Variants in ADAMTS6 observed in about 807,000 individuals in gnomAD.
ADAMTS6 encodes A disintegrin and metalloproteinase with thrombospondin motifs 6.
A neutral mutation model predicts 144.3 loss-of-function variants in ADAMTS6; 23 were observed. The observed-to-expected ratio is 0.16, with a 90% CI of 0.11 to 0.23. The LOEUF (loss-of-function observed/expected upper bound fraction) is 0.23, where lower values mean the gene tolerates loss of function less well. ADAMTS6 is among the 10% of genes least tolerant of loss of function. The pLI, the probability that ADAMTS6 is intolerant of heterozygous loss-of-function variation, is 1.00. For synonymous variants in ADAMTS6, 444 were observed against 457.5 expected, an observed-to-expected ratio of 0.97 and a Z score of 0.38; for missense variants, 999 against 1,379.6, an observed-to-expected ratio of 0.72 and a Z score of 4.37.
At chr5:65,270,938 A>G (rs942767380) in intron 12 of ADAMTS6, among the ~76,000 whole-genome samples, 1 of 152,178 alleles carries the variant, frequency 6.6e-6, no homozygotes, top group Non-Finnish European at 1.5e-5. Context: ...AAATGTATAT[A>G]TATTAGAATT....
chr5:65,395,535 T>C (rs987925174), intron 7 of ADAMTS6, among the ~76,000 whole-genome samples: 5 of 152,220 alleles, frequency 3.3e-5, no homozygotes, highest in Non-Finnish European at 7.3e-5. Context: ...GGTTTCTTGC[T>C]GTTGCTGTTG....
intron 7 of ADAMTS6, among the ~76,000 whole-genome samples, chr5:65,408,036 A>C (rs1754714014): frequency 6.6e-6 from 1 of 152,170 alleles, no homozygotes; most frequent in African/African-American, 2.4e-5. Flanking sequence ...CCAGCCACTG[A>C]AAAATCATGC....
chr5:65,327,858 TAC>T (rs1191989044), intron 9 of ADAMTS6, among the ~76,000 whole-genome samples: 2 of 152,224 alleles, frequency 1.3e-5, no homozygotes, highest in South Asian at 2.1e-4. Flanking sequence ...TGTTTTCACA[TAC>T]ACAGTGTTCA....
At chr5:65,157,415 A>C (rs1167104758) in intron 24 of ADAMTS6, among the ~76,000 whole-genome samples, 1 of 152,234 alleles carries the variant, frequency 6.6e-6, no homozygotes, top group African/African-American at 2.4e-5. Flanking sequence ...TACAAGACCA[A>C]GTCCTCAAAT....
chr5:65,453,653 A>G (rs1036377062), intron 4 of ADAMTS6, among the ~76,000 whole-genome samples: 1 of 152,198 alleles, frequency 6.6e-6, no homozygotes, highest in African/African-American at 2.4e-5. Context: ...GTATAGAAGC[A>G]GCCTTTTAGC....
intron 18 of ADAMTS6, among the ~76,000 whole-genome samples, chr5:65,216,853 C>T (rs973639076): frequency 6.6e-6 from 1 of 151,328 alleles, no homozygotes; most frequent in East Asian, 1.9e-4. Flanking sequence ...TTTAGTACTA[C>T]CGTACAAAAA....
chr5:65,473,539 G>T, intron 2 of ADAMTS6, 38 bp downstream of exon 2: 1 of 1,511,424 alleles, frequency 6.6e-7, no homozygotes, highest in Non-Finnish European at 9.1e-7. Flanking sequence ...CCAATTAATA[G>T]CAATATTTTT....
rs568624975 is a variant in ADAMTS6 at position 65,196,582 on chromosome 5, T to C, written c.2705+440A>G. 5.9e-4 allele frequency among the ~76,000 whole-genome samples: 80 copies of C among 135,694 alleles called. 1 individual carries two copies. The highest frequency in any genetic ancestry group is 5.7e-4 in the Non-Finnish European group (36 of 63,620). The allele number at this position is 135,694 out of a possible 152,430, so 89.0% of individuals were successfully genotyped here. On this transcript the variant is annotated intron_variant, in intron 21 of 24. Coordinates refer to ENST00000381055, the MANE Select transcript of ADAMTS6 (RefSeq NM_197941.4). ...TCTTTAGATCTTTAGGACAAATATG[T>C]AGAAAAGACAGGAGTGTAAATAAAT...
intron 9 of ADAMTS6, among the ~76,000 whole-genome samples, chr5:65,318,742 G>T (rs1745255991): frequency 6.6e-6 from 1 of 152,116 alleles, no homozygotes; most frequent in Admixed American, 6.6e-5. Flanking sequence ...GAAGGTAGTT[G>T]GGGAGGGTGG....
At chr5:65,352,973 G>A (rs900720940) in intron 7 of ADAMTS6, among the ~76,000 whole-genome samples, 4 of 152,038 alleles carry the variant, frequency 2.6e-5, no homozygotes, top group African/African-American at 9.6e-5. Flanking sequence ...TCACTATTGA[G>A]CACAATGGCC....
chr5:65,384,204 C>A (rs1752297879), intron 7 of ADAMTS6, among the ~76,000 whole-genome samples: 1 of 152,190 alleles, frequency 6.6e-6, no homozygotes, highest in Non-Finnish European at 1.5e-5. Context: ...TTACTGTTCT[C>A]CCCCAAACAT....
In ADAMTS6 at chr5:65,214,680, C is replaced by T; in HGVS notation, c.2575+114G>A. ...TCTTTTGCTAAATTACAGCTTGAAG[C>T]AAACCTGCAAGAAATGTTTCCAATT... On this transcript the variant is annotated intron_variant, in intron 20 of 24. Coordinates refer to ENST00000381055, the MANE Select transcript of ADAMTS6 (RefSeq NM_197941.4). This position sits in a 1 kb window ranked among gnomAD's most constrained non-coding sequence, Gnocchi z 4.6. 1 of 1,501,194 alleles carries T rather than the reference C, an allele frequency of 6.7e-7. No homozygotes were observed. 93.0% of individuals were successfully genotyped at this position (1,501,194 alleles called of 1,614,324 possible). A position where few individuals can be genotyped will look rare whatever the true frequency, so the allele number is the denominator to read the frequency against.
At chr5:65,265,482 A>G (rs1000951484) in intron 12 of ADAMTS6, among the ~76,000 whole-genome samples, 1 of 152,028 alleles carries the variant, frequency 6.6e-6, no homozygotes, top group Non-Finnish European at 1.5e-5. Flanking sequence ...TGGTTTTCTT[A>G]CTACAAGTAA....
At chr5:65,258,935 A>C (rs973251654) in intron 14 of ADAMTS6, among the ~76,000 whole-genome samples, 10 of 152,186 alleles carry the variant, frequency 6.6e-5, no homozygotes, top group African/African-American at 2.4e-4. Context: ...TTTTGGGTCA[A>C]ATGGCAAATA....
rs577976798 is a variant in ADAMTS6 at position 65,444,589 on chromosome 5, T to A, written c.1073+6886A>T. ...CTGCTGAGAGAAAGTAATGAAAACC[T>A]AAATAAATGGAGAGATAGACTTTGT... On this transcript the variant is annotated intron_variant, in intron 7 of 24. Transcript: ENST00000381055. Among the ~76,000 whole-genome samples the A allele has an allele frequency of 3.9e-5, 6 of 152,166 alleles. No homozygotes were observed. The South Asian group carries it at 1.2e-3, about 32-fold the overall frequency.
At chr5:65,238,514 C>G (rs992930687) in intron 15 of ADAMTS6, among the ~76,000 whole-genome samples, 1 of 150,072 alleles carries the variant, frequency 6.7e-6, no homozygotes, top group East Asian at 2.0e-4. Flanking sequence ...GTGGAAGGAT[C>G]GCTTGAGCCC....
At chr5:65,443,244 T>C (rs1421898776) in intron 7 of ADAMTS6, among the ~76,000 whole-genome samples, 3 of 152,132 alleles carry the variant, frequency 2.0e-5, no homozygotes, top group African/African-American at 7.2e-5. Context: ...TTTTACACTG[T>C]TGGTGGGAAT....
chr5:65,356,784 A>T (rs1445373986), intron 7 of ADAMTS6, among the ~76,000 whole-genome samples: 1 of 151,890 alleles, frequency 6.6e-6, no homozygotes, highest in East Asian at 1.9e-4. Context: ...CCAACTAAAT[A>T]TTGATGCAGC....
intron 11 of ADAMTS6, among the ~76,000 whole-genome samples, chr5:65,283,425 T>C (rs1580289110): frequency 1.3e-5 from 2 of 151,384 alleles, no homozygotes; most frequent in East Asian, 1.9e-4. Context: ...AATCACCAAC[T>C]TAAAAGTATT....
Sources: allele counts gnomAD v4.1 joint callset (sites outside exome capture counted in the v4.1 genomes callset), GRCh38; gene constraint gnomAD v4.1.1; non-coding constraint Gnocchi (gnomAD v3.1); transcripts MANE v1.5; gene names NCBI Gene and HGNC (gene_info 2026-07-23, HGNC 2026-07-21).